Variants in H3-4 observed in about 807,000 individuals in gnomAD.
H3-4 encodes histone H3.1t.
H3-4 carries 6 observed loss-of-function variants against 3.8 expected under a neutral mutation model. That is an observed-to-expected ratio of 1.59 (90% CI 0.87 to 3.13). The LOEUF is 3.13. H3-4 is among the 30% of genes most tolerant of loss of function. H3-4 has a pLI of 0.00. For synonymous variants in H3-4, 138 were observed against 86.5 expected, an observed-to-expected ratio of 1.60 and a Z score of -3.30; for missense variants, 298 against 202.4, an observed-to-expected ratio of 1.47 and a Z score of -2.87.
chr1:228,425,290 C>T lies in H3-4; in HGVS notation c.36G>A (p.Thr12=), dbSNP rs773584179. 2.5e-6 allele frequency: 4 copies of T among 1,613,872 alleles called. No individual in the cohort carries two copies. Among genetic ancestry groups the T allele is most frequent in the South Asian group, 2.2e-5 (2 of 91,072 alleles). ...GCTGCTTGCGCGGCGCCTTGCCACC[C>T]GTTGACTTGCGCGCAGTCTGCTTGG... ...ARTKQTARKS[T]GGKAPRKQLA... is the part of the protein sequence containing the mutation. The change falls in exon 1 of 1, where the codon ACG becomes ACA. Residue 12 remains threonine, a synonymous_variant. Coordinates refer to ENST00000366696, the MANE Select transcript of H3-4 (RefSeq NM_003493.3).
In H3-4 at chr1:228,425,199, G is replaced by C. The variant is rs1484326215; in HGVS notation, c.127C>G (p.Arg43Gly). ...TGGVKKPHRYRPGTVALREIR... is the reference protein window; with the variant it reads ...TGGVKKPHRYGPGTVALREIR... ...TCGCGAAGCGCCACCGTGCCGGGCCGGTAGCGGTGCGGCTTCTTCACGCCG... is the reference window on the plus strand; with the variant it reads ...TCGCGAAGCGCCACCGTGCCGGGCCCGTAGCGGTGCGGCTTCTTCACGCCG... The change falls in exon 1 of 1, where the codon CGG (arginine) becomes GGG (glycine). Residue 43 changes from arginine to glycine, a missense_variant. Arg to Gly is a moderately radical substitution (Grantham distance 125, BLOSUM62 -2). Transcript: ENST00000366696. 52 of 1,613,868 alleles carry C rather than the reference G, an allele frequency of 3.2e-5. No individual in the cohort carries two copies. The highest frequency in any genetic ancestry group is 1.8e-4 in the South Asian group (16 of 91,072).
chr1:228,425,339 T>C lies in H3-4; in HGVS notation c.-14A>G, dbSNP rs375695485. On this transcript the variant is annotated 5_prime_UTR_variant, in exon 1 of 1. Transcript: ENST00000366696. ...GGTTCGGGCCATGAATCCGAAACTGTTGGCCCCGCGGTGTCCTCTGCCCAG... is the reference window on the plus strand; with the variant it reads ...GGTTCGGGCCATGAATCCGAAACTGCTGGCCCCGCGGTGTCCTCTGCCCAG... 5.3e-5 allele frequency: 85 copies of C among 1,613,690 alleles called. 1 individual carries two copies. Among genetic ancestry groups the C allele is most frequent in the South Asian group, 1.1e-4 (10 of 91,086 alleles).
Position 228,425,353 on chromosome 1 carries a change from T to A in H3-4, c.-28A>T. The A allele has an allele frequency of 6.2e-7, 1 of 1,613,280 alleles. No homozygotes were observed. Among genetic ancestry groups the A allele is most frequent in the Non-Finnish European group, 8.5e-7 (1 of 1,179,452 alleles). On this transcript the variant is annotated 5_prime_UTR_variant, in exon 1 of 1. Coordinates refer to ENST00000366696, the MANE Select transcript of H3-4 (RefSeq NM_003493.3). The stretch of plus-strand genomic sequence containing the variant: ...ATCCGAAACTGTTGGCCCCGCGGTG[T>A]CCTCTGCCCAGACCTCAGCGGATTG...
At position 228,425,152 on chromosome 1, in the gene H3-4, G is replaced by A. The variant is rs770039685; in HGVS notation, c.174C>T (p.Ser58=). 1 of 1,613,910 alleles carries A rather than the reference G, an allele frequency of 6.2e-7. No individual in the cohort carries two copies. The highest frequency in any genetic ancestry group is 8.5e-7 in the Non-Finnish European group (1 of 1,179,866). The part of the protein sequence containing the change: ...ALREIRRYQK[S]TELLIRKLPF... Reference sequence around the variant, plus strand: ...GCAACTTGCGGATTAGCAGCTCAGTGGACTTCTGGTAGCGGCGGATCTCGC... The same window carrying A: ...GCAACTTGCGGATTAGCAGCTCAGTAGACTTCTGGTAGCGGCGGATCTCGC... Residue 58 remains serine, a synonymous_variant, in exon 1 of 1, where the codon TCC becomes TCT. Transcript: ENST00000366696.
rs201135996 is a variant in H3-4 at position 228,425,349 on chromosome 1, G to T, written c.-24C>A. 2.5e-6 allele frequency: 4 copies of T among 1,613,496 alleles called. No individual in the cohort carries two copies. In the Admixed American group the frequency reaches 5.0e-5, roughly 20 times the overall value. ...ATGAATCCGAAACTGTTGGCCCCGC[G>T]GTGTCCTCTGCCCAGACCTCAGCGG... is the stretch of plus-strand genomic sequence containing the variant. On this transcript the variant is annotated 5_prime_UTR_variant, in exon 1 of 1. Transcript: ENST00000366696.
In H3-4 at chr1:228,425,122, G is replaced by A. The variant is rs144064739; in HGVS notation, c.204C>T (p.Phe68=). The A allele has an allele frequency of 3.1e-6, 5 of 1,613,954 alleles. No homozygotes were observed. The highest frequency in any genetic ancestry group is 4.2e-6 in the Non-Finnish European group (5 of 1,179,884). Residue 68 remains phenylalanine (F), a synonymous_variant, in exon 1 of 1, where the codon TTC becomes TTT. Coordinates refer to ENST00000366696, the MANE Select transcript of H3-4 (RefSeq NM_003493.3). ...STELLIRKLP[F]QRLMREIAQD... is the part of the protein sequence containing the mutation. Reference sequence around the variant, plus strand: ...GAGCGATCTCGCGCATCAGCCGCTGGAAGGGCAACTTGCGGATTAGCAGCT... The same window carrying A: ...GAGCGATCTCGCGCATCAGCCGCTGAAAGGGCAACTTGCGGATTAGCAGCT...
In H3-4 at chr1:228,425,331, C is replaced by A. The variant is rs771234164; in HGVS notation, c.-6G>T. The A allele has an allele frequency of 6.2e-7, 1 of 1,613,852 alleles. No individual in the cohort carries two copies. Among genetic ancestry groups the A allele is most frequent in the Non-Finnish European group, 8.5e-7 (1 of 1,179,792 alleles). On this transcript the variant is annotated 5_prime_UTR_variant, in exon 1 of 1. Transcript: ENST00000366696. Reference sequence around the variant, plus strand: ...GTCTGCTTGGTTCGGGCCATGAATCCGAAACTGTTGGCCCCGCGGTGTCCT... The same window carrying A: ...GTCTGCTTGGTTCGGGCCATGAATCAGAAACTGTTGGCCCCGCGGTGTCCT...
rs1161706855 is a variant in H3-4 at position 228,425,174 on chromosome 1, T to C, written c.152A>G (p.Glu51Gly). The change falls in exon 1 of 1, where the codon GAG becomes GGG. Residue 51 changes from glutamate to glycine, a missense_variant. By Grantham distance (98) the Glu-to-Gly change is moderately conservative. Transcript: ENST00000366696. Reference sequence around the variant, plus strand: ...AGTGGACTTCTGGTAGCGGCGGATCTCGCGAAGCGCCACCGTGCCGGGCCG... The same window carrying C: ...AGTGGACTTCTGGTAGCGGCGGATCCCGCGAAGCGCCACCGTGCCGGGCCG... Reference protein sequence around the residue: ...RYRPGTVALREIRRYQKSTEL... With the variant: ...RYRPGTVALRGIRRYQKSTEL... 1 of 1,614,130 alleles carries C rather than the reference T, an allele frequency of 6.2e-7. No individual in the cohort carries two copies. The highest frequency in any genetic ancestry group is 2.2e-5 in the East Asian group (1 of 44,880).
rs146830002 is a variant in H3-4, at chr1:228,424,937, C to T, written c.389G>A (p.Arg130His). 1.8e-5 allele frequency: 29 copies of T among 1,614,058 alleles called. No homozygotes were observed. The highest frequency in any genetic ancestry group is 7.7e-5 in the South Asian group (7 of 91,086). The change falls in exon 1 of 1, where the codon CGT (arginine) becomes CAT (histidine). Residue 130 changes from arginine (R) to histidine (H), a missense_variant. Coordinates refer to ENST00000366696, the MANE Select transcript of H3-4 (RefSeq NM_003493.3). The part of the protein sequence containing the change: ...IMPKDIQLAR[R>H]IRGERA ...CTCCTAGGCCCGCTCCCCGCGGATA[C>T]GGCGTGCCAGCTGGATGTCCTTAGG...
rs1657426400 is a variant in H3-4 at position 228,425,066 on chromosome 1, C to T, written c.260G>A (p.Ser87Asn). 6 of 1,614,284 alleles carry T rather than the reference C, an allele frequency of 3.7e-6. No homozygotes were observed. Among genetic ancestry groups the T allele is most frequent in the Non-Finnish European group, 4.2e-6 (5 of 1,180,052 alleles). Residue 87 changes from serine to asparagine, a missense_variant, in exon 1 of 1, where the codon AGC (serine) becomes AAC (asparagine). Transcript: ENST00000366696. Reference protein sequence around the residue: ...QDFKTDLRFQSSAVMALQEAC... With the variant: ...QDFKTDLRFQNSAVMALQEAC... ...CTCCTGCAGCGCCATCACGGCCGAG[C>T]TCTGGAAGCGCAGGTCGGTCTTAAA... is the stretch of plus-strand genomic sequence containing the variant.
rs1657451096 is a variant in H3-4, at chr1:228,425,342, G to T, written c.-17C>A. The stretch of plus-strand genomic sequence containing the variant: ...TCGGGCCATGAATCCGAAACTGTTG[G>T]CCCCGCGGTGTCCTCTGCCCAGACC... On this transcript the variant is annotated 5_prime_UTR_variant, in exon 1 of 1. Coordinates refer to ENST00000366696, the MANE Select transcript of H3-4 (RefSeq NM_003493.3). 6.2e-7 allele frequency: 1 copy of T among 1,613,726 alleles called. No individual in the cohort carries two copies. Among genetic ancestry groups the T allele is most frequent in the Non-Finnish European group, 8.5e-7 (1 of 1,179,738 alleles).
rs747322437 is a variant in H3-4 at position 228,425,039 on chromosome 1, G to A, written c.287C>T (p.Ala96Val). The A allele has an allele frequency of 3.7e-6, 6 of 1,614,266 alleles. No individual in the cohort carries two copies. Among genetic ancestry groups the A allele is most frequent in the Non-Finnish European group, 5.1e-6 (6 of 1,180,040 alleles). Residue 96 changes from alanine (A) to valine (V), a missense_variant, in exon 1 of 1, where the codon GCG becomes GTG. Physicochemically the swap from Ala to Val is moderately conservative, Grantham distance 64. Transcript: ENST00000366696. Reference protein sequence around the residue: ...QSSAVMALQEACESYLVGLFE... With the variant: ...QSSAVMALQEVCESYLVGLFE... ...CAGCCCCACCAGGTAAGACTCGCAC[G>A]CCTCCTGCAGCGCCATCACGGCCGA...
chr1:228,424,858 T>C lies in H3-4; in HGVS notation c.*57A>G. ...AACTCTTCGACCAGGTGGGTGGCTC[T>C]TAAAAGAGCCTTTGGGGTGAACGTT... On this transcript the variant is annotated 3_prime_UTR_variant, in exon 1 of 1. Transcript: ENST00000366696. The C allele has an allele frequency of 6.2e-7, 1 of 1,610,758 alleles. No homozygotes were observed. The highest frequency in any genetic ancestry group is 8.5e-7 in the Non-Finnish European group (1 of 1,177,078).
At position 228,424,926 on chromosome 1, in the gene H3-4, C is replaced by T. The variant is rs1487311934; in HGVS notation, c.400G>A (p.Glu134Lys). 8 of 1,614,040 alleles carry T rather than the reference C, an allele frequency of 5.0e-6. No individual in the cohort carries two copies. Among genetic ancestry groups the T allele is most frequent in the Non-Finnish European group, 5.1e-6 (6 of 1,180,024 alleles). Residue 134 changes from glutamate (E) to lysine (K), a missense_variant, in exon 1 of 1, where the codon GAG (glutamate) becomes AAG (lysine). Transcript: ENST00000366696. ...GCGAGATAGCCCTCCTAGGCCCGCT[C>T]CCCGCGGATACGGCGTGCCAGCTGG... ...DIQLARRIRG[E>K]RA
chr1:228,425,155 C>T lies in H3-4; in HGVS notation c.171G>A (p.Lys57=). The change falls in exon 1 of 1, where the codon AAG becomes AAA. Residue 57 remains lysine (K), a synonymous_variant. Coordinates refer to ENST00000366696, the MANE Select transcript of H3-4 (RefSeq NM_003493.3). ...VALREIRRYQ[K]STELLIRKLP... ...ACTTGCGGATTAGCAGCTCAGTGGA[C>T]TTCTGGTAGCGGCGGATCTCGCGAA... 1 of 1,614,026 alleles carries T rather than the reference C, an allele frequency of 6.2e-7. No individual in the cohort carries two copies. The highest frequency in any genetic ancestry group is 8.5e-7 in the Non-Finnish European group (1 of 1,179,862).
chr1:228,425,136 G>T lies in H3-4; in HGVS notation c.190C>A (p.Arg64Ser). Residue 64 changes from arginine to serine, a missense_variant, in exon 1 of 1, where the codon CGC becomes AGC. Transcript: ENST00000366696. The part of the protein sequence containing the change: ...RYQKSTELLI[R>S]KLPFQRLMRE... Reference sequence around the variant, plus strand: ...ATCAGCCGCTGGAAGGGCAACTTGCGGATTAGCAGCTCAGTGGACTTCTGG... The same window carrying T: ...ATCAGCCGCTGGAAGGGCAACTTGCTGATTAGCAGCTCAGTGGACTTCTGG... 6.2e-7 allele frequency: 1 copy of T among 1,614,044 alleles called. No homozygotes were observed.
chr1:228,425,195 G>T lies in H3-4; in HGVS notation c.131C>A (p.Pro44His). ...GGVKKPHRYRPGTVALREIRR... is the reference protein window; with the variant it reads ...GGVKKPHRYRHGTVALREIRR... The stretch of plus-strand genomic sequence containing the variant: ...GATCTCGCGAAGCGCCACCGTGCCG[G>T]GCCGGTAGCGGTGCGGCTTCTTCAC... The change falls in exon 1 of 1, where the codon CCC becomes CAC. Residue 44 changes from proline (P) to histidine (H), a missense_variant. Transcript: ENST00000366696. 1 of 1,613,996 alleles carries T rather than the reference G, an allele frequency of 6.2e-7. No homozygotes were observed. The highest frequency in any genetic ancestry group is 8.5e-7 in the Non-Finnish European group (1 of 1,179,890).
chr1:228,425,257 G>C lies in H3-4; in HGVS notation c.69C>G (p.Thr23=). The part of the protein sequence containing the change: ...GGKAPRKQLA[T]KVARKSAPAT... ...CAGGTGCGCTCTTGCGAGCCACCTT[G>C]GTGGCCAGCTGCTTGCGCGGCGCCT... Residue 23 remains threonine, a synonymous_variant, in exon 1 of 1, where the codon ACC becomes ACG. Transcript: ENST00000366696. The C allele has an allele frequency of 6.2e-7, 1 of 1,613,722 alleles. No individual in the cohort carries two copies. The highest frequency in any genetic ancestry group is 8.5e-7 in the Non-Finnish European group (1 of 1,179,786).
At position 228,424,893 on chromosome 1, in the gene H3-4, C is replaced by T. The variant is rs764686882; in HGVS notation, c.*22G>A. Reference sequence around the variant, plus strand: ...CTTTGGGGTGAACGTTGCGCAACCTCTCAGGTGGCGAGATAGCCCTCCTAG... The same window carrying T: ...CTTTGGGGTGAACGTTGCGCAACCTTTCAGGTGGCGAGATAGCCCTCCTAG... On this transcript the variant is annotated 3_prime_UTR_variant, in exon 1 of 1. Transcript: ENST00000366696. 51 of 1,613,988 alleles carry T rather than the reference C, an allele frequency of 3.2e-5. No homozygotes were observed. The highest frequency in any genetic ancestry group is 4.0e-5 in the African/African-American group (3 of 74,942).
Sources: allele counts gnomAD v4.1 joint callset, GRCh38; gene constraint gnomAD v4.1.1; transcripts MANE v1.5; gene names NCBI Gene and HGNC (gene_info 2026-07-23, HGNC 2026-07-21).